KIAA0408: variants seen among roughly 807,000 people sequenced by gnomAD.
The protein encoded by KIAA0408 is uncharacterized protein KIAA0408.
A neutral mutation model predicts 60.9 loss-of-function variants in KIAA0408; 51 were observed. The ratio of observed to expected loss-of-function variants is 0.84; its 90% CI spans 0.67 to 1.06. The LOEUF (loss-of-function observed/expected upper bound fraction) is 1.06, where lower values mean the gene tolerates loss of function less well. Ranked by LOEUF, KIAA0408 falls within the 50% of genes least tolerant of loss-of-function variation. The pLI, the probability that KIAA0408 is intolerant of heterozygous loss-of-function variation, is 0.00. For synonymous variants in KIAA0408, 304 were observed against 282.4 expected, an observed-to-expected ratio of 1.08 and a Z score of -0.77; for missense variants, 787 against 833.9, an observed-to-expected ratio of 0.94 and a Z score of 0.69.
At chr6:127,450,477 A>G in intron 2 of KIAA0408, 125 bp from the exon 3 acceptor site, 2 of 1,389,948 alleles carry the variant, frequency 1.4e-6, no homozygotes, top group South Asian at 1.7e-5. Context: ...CTGGGTATTA[A>G]TGCTTCGGCC....
At chr6:127,454,295 T>A (rs1247879830) in intron 1 of KIAA0408, 194 bp from the exon 2 acceptor site, 3 of 376,826 alleles carry the variant, frequency 8.0e-6, no homozygotes, top group Non-Finnish European at 1.1e-5. Context: ...AAAGTTTTTT[T>A]CCCTTTCTGA....
In KIAA0408 at chr6:127,447,218, T is replaced by G. The variant is rs1349903826; in HGVS notation, c.1101A>C (p.Ile367=). The change falls in exon 5 of 6, where the codon ATA becomes ATC. Residue 367 remains isoleucine (I), a synonymous_variant. Coordinates refer to ENST00000483725, the MANE Select transcript of KIAA0408 (RefSeq NM_014702.5). ...AAGTAGAGGGGCTCCTTTTTGCACCTATCCCAATGTCACATGACCACATGC... is the reference window on the plus strand; with the variant it reads ...AAGTAGAGGGGCTCCTTTTTGCACCGATCCCAATGTCACATGACCACATGC... ...GLSMWSCDIG[I]GAKRSPSTSW... 2 of 1,612,592 alleles carry G rather than the reference T, an allele frequency of 1.2e-6. No individual in the cohort carries two copies. Among genetic ancestry groups the G allele is most frequent in the Non-Finnish European group, 1.7e-6 (2 of 1,179,442 alleles).
chr6:127,454,210 C>A, intron 1 of KIAA0408, 109 bp from the exon 2 acceptor site: 1 of 1,096,252 alleles, frequency 9.1e-7, no homozygotes, highest in Non-Finnish European at 1.1e-6. Context: ...AAATTGGACT[C>A]AAAAGAAAAG....
At chr6:127,448,357 G>C (rs552945962) in intron 4 of KIAA0408, among the ~76,000 whole-genome samples, 1 of 152,228 alleles carries the variant, frequency 6.6e-6, no homozygotes, top group Non-Finnish European at 1.5e-5. Context: ...AGGAAAATGA[G>C]TACTTTGATA....
rs768913263 is a variant in KIAA0408 at position 127,450,304 on chromosome 6, C to T, written c.184G>A (p.Ala62Thr). ...TCATGGTAAAGATCAATGATCTTAGCACTTTCATTGATATTGATTTTCCTC... is the reference window on the plus strand; with the variant it reads ...TCATGGTAAAGATCAATGATCTTAGTACTTTCATTGATATTGATTTTCCTC... ...LWRKININES[A>T]KIIDLYHEKT... Residue 62 changes from alanine to threonine, a missense_variant, in exon 3 of 6, where the codon GCT becomes ACT. Ala to Thr is a moderately conservative substitution (Grantham distance 58). Transcript: ENST00000483725. The T allele has an allele frequency of 2.5e-5, 41 of 1,611,348 alleles. No homozygotes were observed. The highest frequency in any genetic ancestry group is 3.4e-5 in the Non-Finnish European group (40 of 1,179,340).
At position 127,441,923 on chromosome 6, in the gene KIAA0408, T is replaced by C. The variant is rs1261007747; in HGVS notation, c.*2186A>G. 6.6e-6 allele frequency: 1 copy of C among 152,146 alleles called. No individual in the cohort carries two copies. Among genetic ancestry groups the C allele is most frequent in the African/African-American group, 2.4e-5 (1 of 41,440 alleles). The allele number at this position is 152,146 out of a possible 1,614,324, so 9.4% of individuals were successfully genotyped here. A position where few individuals can be genotyped will look rare whatever the true frequency, so the allele number is the denominator to read the frequency against. On this transcript the variant is annotated 3_prime_UTR_variant, in exon 6 of 6. Transcript: ENST00000483725. ...AATGTGTCCCACTGGTTCATTCAAC[T>C]GTTAATAGAAAAAAGTGGCTTAAAA...
rs560440738 is a variant in KIAA0408, at chr6:127,451,599, C to T, written c.136-1247G>A. ...AACAAAATTGCTTTAGTTGCAAAAC[C>T]GGGAAAAATGTGCTATTCCTGGGAA... On this transcript the variant is annotated intron_variant, in intron 2 of 5. Transcript: ENST00000483725. Among the ~76,000 whole-genome samples, 9 of 152,068 alleles carry T rather than the reference C, an allele frequency of 5.9e-5. No individual in the cohort carries two copies. In the East Asian group the frequency reaches 7.7e-4, roughly 13 times the overall value.
At chr6:127,452,549 A>G (rs1773319284) in intron 2 of KIAA0408, among the ~76,000 whole-genome samples, 3 of 152,190 alleles carry the variant, frequency 2.0e-5, no homozygotes, top group African/African-American at 7.2e-5. Context: ...TAATTATTGG[A>G]CAGTAATAAA....
chr6:127,448,626 A>T (rs1327886777), intron 4 of KIAA0408, among the ~76,000 whole-genome samples: 1 of 152,184 alleles, frequency 6.6e-6, no homozygotes, highest in Admixed American at 6.5e-5. Flanking sequence ...TCATATTTAT[A>T]CCTCTTCAAA....
At chr6:127,455,183 A>G (rs1044999040) in intron 1 of KIAA0408, among the ~76,000 whole-genome samples, 1 of 152,162 alleles carries the variant, frequency 6.6e-6, no homozygotes, top group Non-Finnish European at 1.5e-5. Flanking sequence ...CATGTTTAAA[A>G]TGTTTGAATC....
chr6:127,444,441 G>C (rs973142611), intron 5 of KIAA0408, among the ~76,000 whole-genome samples, 159 bp from the exon 6 acceptor site: 26 of 152,122 alleles, frequency 1.7e-4, no homozygotes, highest in African/African-American at 6.0e-4. Context: ...TTGTGGTTTT[G>C]AATGTTTTAA....
At chr6:127,449,196 C>G (rs1773254447) in intron 4 of KIAA0408, among the ~76,000 whole-genome samples, 1 of 152,108 alleles carries the variant, frequency 6.6e-6, no homozygotes, top group Non-Finnish European at 1.5e-5. Context: ...TTTCATTGTC[C>G]AAATGCTCAG....
chr6:127,454,810 T>C (rs1286433605), intron 1 of KIAA0408, among the ~76,000 whole-genome samples: 1 of 152,162 alleles, frequency 6.6e-6, no homozygotes, highest in African/African-American at 2.4e-5. Context: ...CTTAGGATAT[T>C]GAATACAGGG....
At chr6:127,445,770 A>G (rs1039873512) in intron 5 of KIAA0408, among the ~76,000 whole-genome samples, 7 of 152,180 alleles carry the variant, frequency 4.6e-5, no homozygotes, top group East Asian at 1.9e-4. Context: ...ACAAAAAAAG[A>G]TAACAGTTTA....
At chr6:127,444,705 T>G (rs1032057805) in intron 5 of KIAA0408, among the ~76,000 whole-genome samples, 3 of 152,108 alleles carry the variant, frequency 2.0e-5, no homozygotes, top group African/African-American at 7.2e-5. Flanking sequence ...TCATTGACAC[T>G]TTTAGAGGTG....
At chr6:127,456,315 G>A (rs1773391638) in intron 1 of KIAA0408, among the ~76,000 whole-genome samples, 1 of 152,130 alleles carries the variant, frequency 6.6e-6, no homozygotes, top group Admixed American at 6.6e-5. Context: ...CTACAATTAT[G>A]TAGCAAATGG....
rs1435388589 is a variant in KIAA0408, at chr6:127,439,545, G to GA, written c.*4563dup. The stretch of plus-strand genomic sequence containing the variant: ...GAGGGAATCAACAGAAACTCCCAAT[G>GA]AGAGCAAGATAAACAATTTGTGTCA... On this transcript the variant is annotated 3_prime_UTR_variant, in exon 6 of 6. Coordinates refer to ENST00000483725, the MANE Select transcript of KIAA0408 (RefSeq NM_014702.5). The GA allele has an allele frequency of 6.6e-6, 1 of 151,816 alleles. No individual in the cohort carries two copies. The highest frequency in any genetic ancestry group is 1.5e-5 in the Non-Finnish European group (1 of 67,990). The allele number at this position is 151,816 out of a possible 1,614,324, so 9.4% of individuals were successfully genotyped here.
At position 127,446,752 on chromosome 6, in the gene KIAA0408, G is replaced by T. The variant is rs368538507; in HGVS notation, c.1567C>A (p.Gln523Lys). 1.1e-5 allele frequency: 17 copies of T among 1,613,952 alleles called. No homozygotes were observed. Among genetic ancestry groups the T allele is most frequent in the Non-Finnish European group, 1.4e-5 (17 of 1,180,002 alleles). ...CGAGGACTTAGGTGTCCCTGCATTTGTCTTACTAGGCCTGTTGTGGATTTC... is the reference window on the plus strand; with the variant it reads ...CGAGGACTTAGGTGTCCCTGCATTTTTCTTACTAGGCCTGTTGTGGATTTC... ...TKKSTTGLVR[Q>K]MQGHLSPRSY... Residue 523 changes from glutamine to lysine, a missense_variant, in exon 5 of 6, where the codon CAA becomes AAA. This residue lies in a region of KIAA0408 where 640 missense variants were observed against 681.3 expected (regional missense o/e 0.94). Coordinates refer to ENST00000483725, the MANE Select transcript of KIAA0408 (RefSeq NM_014702.5).
At chr6:127,451,443 T>C in intron 2 of KIAA0408, 1 of 376,226 alleles carries the variant, frequency 2.7e-6, no homozygotes, top group East Asian at 7.9e-5. Flanking sequence ...AAATTATTTG[T>C]ACTGAACTTC....
Sources: gnomAD v4.1 joint callset for allele counts (sites outside exome capture counted in the v4.1 genomes callset) on GRCh38, gnomAD v4.1.1 for gene constraint, gnomAD v4.1.1 regional missense constraint, MANE v1.5 for transcripts, NCBI Gene and HGNC (gene_info 2026-07-23, HGNC 2026-07-21) for gene names.